The following CNTN5 variants were observed in gnomAD, a reference collection of about 807,000 sequenced individuals.
The protein encoded by CNTN5 is contactin-5.
In CNTN5, 77 loss-of-function variants were observed where a neutral mutation model predicts 129.1. That is an observed-to-expected ratio of 0.60 (90% CI 0.50 to 0.72). The LOEUF is 0.72. Among genes scored for constraint, CNTN5 ranks in the 30% least tolerant of loss-of-function variants. The pLI is 0.00. For missense variants in CNTN5, 1,478 were observed against 1,328.8 expected (o/e 1.11, Z -1.75); for synonymous variants, 509 against 465.6 (o/e 1.09, Z -1.20).
chr11:99,802,961 C>T (rs940380278), intron 3 of CNTN5, among the ~76,000 whole-genome samples: 2 of 152,144 alleles, frequency 1.3e-5, no homozygotes, highest in African/African-American at 4.8e-5. Flanking sequence ...TGGAGACCTG[C>T]CTAGGCATGG....
intron 3 of CNTN5, among the ~76,000 whole-genome samples, chr11:99,647,869 T>C (rs527320044): frequency 6.6e-6 from 1 of 152,114 alleles, no homozygotes; most frequent in Admixed American, 6.5e-5. Flanking sequence ...TTGATTCTTG[T>C]ATGTTGATTT....
chr11:99,674,220 AT>A (rs1007607259), intron 3 of CNTN5, among the ~76,000 whole-genome samples: 8 of 151,198 alleles, frequency 5.3e-5, no homozygotes, highest in East Asian at 1.9e-4. Context: ...GATATTGAGC[AT>A]TTTTTTCCTG....
intron 21 of CNTN5, among the ~76,000 whole-genome samples, chr11:100,339,225 C>A (rs1040504285): frequency 6.6e-6 from 1 of 152,142 alleles, no homozygotes; most frequent in African/African-American, 2.4e-5. Flanking sequence ...GTGTGACAGA[C>A]TATCTGGGTA....
chr11:100,061,287 G>A lies in CNTN5; in HGVS notation c.1056G>A (p.Ala352=), dbSNP rs779108160. The change falls in exon 10 of 25, where the codon GCG becomes GCA. Residue 352 remains alanine (A), a synonymous_variant. Coordinates refer to ENST00000524871, the MANE Select transcript of CNTN5 (RefSeq NM_014361.4). The stretch of plus-strand genomic sequence containing the variant: ...AGGCACGTCTGCGGAAATCTCAGGC[G>A]GTGCTGGAAATACCGAATGTACAGC... ...PSKARLRKSQ[A]VLEIPNVQLD... is the part of the protein sequence containing the mutation. The A allele has an allele frequency of 6.2e-6, 10 of 1,613,394 alleles. No homozygotes were observed. Among genetic ancestry groups the A allele is most frequent in the East Asian group, 4.5e-5 (2 of 44,868 alleles).
intron 1 of CNTN5, among the ~76,000 whole-genome samples, chr11:99,224,656 C>CTTT (rs1860579878): frequency 2.6e-5 from 1 of 38,024 alleles, no homozygotes; most frequent in African/African-American, 1.2e-4. Context: ...CCCAAGGTTG[C>CTTT]ATTTTTTTTT....
At chr11:99,540,053 A>C (rs188239046) in intron 2 of CNTN5, among the ~76,000 whole-genome samples, 1 of 152,284 alleles carries the variant, frequency 6.6e-6, no homozygotes, top group African/African-American at 2.4e-5. Context: ...AGAAAATGTG[A>C]ACAAGTCCCA....
At chr11:99,095,362 C>T (rs142037736) in intron 1 of CNTN5, among the ~76,000 whole-genome samples, 206 of 151,894 alleles carry the variant, frequency 1.4e-3, no homozygotes, top group Admixed American at 5.1e-3. Context: ...AGATTATGTA[C>T]TCTGTTATTG....
intron 21 of CNTN5, chr11:100,337,343 G>C (rs529862299): frequency 1.6e-5 from 14 of 852,178 alleles, no homozygotes; most frequent in Non-Finnish European, 2.5e-5. Flanking sequence ...GGAAGTGATC[G>C]ATGCACACAT....
chr11:99,914,521 C>A (rs1046272330), intron 6 of CNTN5, among the ~76,000 whole-genome samples: 1 of 152,044 alleles, frequency 6.6e-6, no homozygotes, highest in Non-Finnish European at 1.5e-5. Flanking sequence ...GAAATCAGAG[C>A]AGTAACCTTG....
At chr11:99,405,445 A>T (rs944553059) in intron 2 of CNTN5, among the ~76,000 whole-genome samples, 1 of 151,946 alleles carries the variant, frequency 6.6e-6, no homozygotes, top group African/African-American at 2.4e-5. Context: ...AACCTCTTCA[A>T]GCTCACTAAT....
rs534645802 is a variant in CNTN5 at position 99,520,570 on chromosome 11, C to T, written c.-70-35575C>T. ...TCCCAAACCTTTCAGAGTATCTTGT[C>T]CTGAGACACAATGTTTGTGCAGCAA... On this transcript the variant is annotated intron_variant, in intron 2 of 24. Transcript: ENST00000524871. 5.6e-4 allele frequency among the ~76,000 whole-genome samples: 85 copies of T among 152,096 alleles called. 2 individuals are homozygous for T. The South Asian group carries it at 7.5e-3, about 13-fold the overall frequency.
intron 6 of CNTN5, among the ~76,000 whole-genome samples, chr11:99,858,045 C>A (rs7118925): frequency 1 from 152,036 of 152,060 alleles, 76,006 homozygotes; most frequent in Middle Eastern, 1. Flanking sequence ...AAATATCCAG[C>A]AAAAAAAAAG....
intron 23 of CNTN5, among the ~76,000 whole-genome samples, chr11:100,343,230 A>G (rs1952205341): frequency 6.6e-6 from 1 of 152,238 alleles, no homozygotes; most frequent in South Asian, 2.1e-4. Context: ...TTAGTTGTGT[A>G]AATTAATGAC....
At chr11:99,270,166 A>G (rs1863107709) in intron 1 of CNTN5, among the ~76,000 whole-genome samples, 1 of 152,000 alleles carries the variant, frequency 6.6e-6, no homozygotes, top group South Asian at 2.1e-4. Flanking sequence ...TAACTGACAC[A>G]TAGTAATTGT....
chr11:99,816,151 C>T (rs1476602764), intron 3 of CNTN5, among the ~76,000 whole-genome samples: 9 of 152,168 alleles, frequency 5.9e-5, no homozygotes, highest in East Asian at 3.9e-4. Flanking sequence ...GAAAGACTTT[C>T]GCTTCCTTTC....
intron 9 of CNTN5, among the ~76,000 whole-genome samples, chr11:100,049,399 A>G (rs1256494140): frequency 6.6e-6 from 1 of 152,126 alleles, no homozygotes; most frequent in Admixed American, 6.6e-5. Flanking sequence ...ATAAACTAGT[A>G]TAAGACTAAA....
Position 100,356,525 on chromosome 11 carries a change from T to A in CNTN5, c.*305T>A. 5.8e-6 allele frequency: 2 copies of A among 343,628 alleles called. No individual in the cohort carries two copies. The highest frequency in any genetic ancestry group is 1.1e-5 in the Non-Finnish European group (2 of 187,534). The allele number at this position is 343,628 out of a possible 1,614,324, so 21.3% of individuals were successfully genotyped here. Reference sequence around the variant, plus strand: ...TCTTTACTTTTTTAATATGTTGGGATTTTATTTTATATCTGATGACTCCGA... The same window carrying A: ...TCTTTACTTTTTTAATATGTTGGGAATTTATTTTATATCTGATGACTCCGA... On this transcript the variant is annotated 3_prime_UTR_variant, in exon 25 of 25. Coordinates refer to ENST00000524871, the MANE Select transcript of CNTN5 (RefSeq NM_014361.4).
intron 13 of CNTN5, among the ~76,000 whole-genome samples, chr11:100,115,558 T>C (rs902330295): frequency 9.2e-5 from 14 of 152,132 alleles, no homozygotes; most frequent in African/African-American, 3.4e-4. Context: ...GCCAGCAGAA[T>C]GTAAATGTAA....
intron 3 of CNTN5, among the ~76,000 whole-genome samples, chr11:99,778,134 G>T (rs1413032809): frequency 6.6e-6 from 1 of 151,548 alleles, no homozygotes; most frequent in Non-Finnish European, 1.5e-5. Context: ...TTTAAGCCTT[G>T]TTCTCTATTA....
Sources: allele counts gnomAD v4.1 joint callset (sites outside exome capture counted in the v4.1 genomes callset), GRCh38; gene constraint gnomAD v4.1.1; transcripts MANE v1.5; gene names NCBI Gene and HGNC (gene_info 2026-07-23, HGNC 2026-07-21).